CSMD3: variants seen among roughly 807,000 people sequenced by gnomAD.
CSMD3 encodes the protein CUB and sushi domain-containing protein 3.
In CSMD3, 177 loss-of-function variants were observed where a neutral mutation model predicts 435.2. That is an observed-to-expected ratio of 0.41 (90% CI 0.36 to 0.46). The LOEUF (loss-of-function observed/expected upper bound fraction) is 0.46. Ranked by LOEUF, CSMD3 falls within the 20% of genes least tolerant of loss-of-function variation. The pLI, the probability that CSMD3 is intolerant of heterozygous loss-of-function variation, is 0.34. For missense variants in CSMD3, 4,265 were observed against 4,504.6 expected (o/e 0.95, Z 1.52); for synonymous variants, 1,656 against 1,520.5 (o/e 1.09, Z -2.07).
chr8:112,603,335 C>G (rs1476084025), intron 22 of CSMD3, among the ~76,000 whole-genome samples: 1 of 152,182 alleles, frequency 6.6e-6, no homozygotes, highest in Non-Finnish European at 1.5e-5. Context: ...TCAAATTTTA[C>G]TGCACTATGC....
chr8:113,261,507 A>T (rs1214311209), intron 3 of CSMD3, among the ~76,000 whole-genome samples: 2 of 151,866 alleles, frequency 1.3e-5, no homozygotes, highest in South Asian at 4.2e-4. Context: ...TCAGTGAACT[A>T]CCTCCCTTAG....
At chr8:112,928,532 G>A (rs1194083348) in intron 9 of CSMD3, among the ~76,000 whole-genome samples, 2 of 152,054 alleles carry the variant, frequency 1.3e-5, no homozygotes, top group African/African-American at 2.4e-5. Context: ...GTGAGAATAT[G>A]TGGTGTTTGG....
At chr8:112,585,852 C>G (rs1830682842) in intron 23 of CSMD3, among the ~76,000 whole-genome samples, 1 of 151,576 alleles carries the variant, frequency 6.6e-6, no homozygotes, top group South Asian at 2.1e-4. Flanking sequence ...TGCCTCAGTT[C>G]TATATACAAG....
intron 13 of CSMD3, among the ~76,000 whole-genome samples, chr8:112,713,250 A>T (rs1242877550): frequency 6.6e-6 from 1 of 152,064 alleles, no homozygotes; most frequent in East Asian, 1.9e-4. Flanking sequence ...AGATCAGAAG[A>T]TCCCACTCGT....
intron 53 of CSMD3, among the ~76,000 whole-genome samples, chr8:112,297,109 G>A (rs1295490746): frequency 2.0e-5 from 3 of 147,568 alleles, no homozygotes; most frequent in East Asian, 3.9e-4. Flanking sequence ...ACCTTCCCAC[G>A]GATTTTTTTT....
At chr8:112,277,734 C>A (rs962814554) in intron 59 of CSMD3, among the ~76,000 whole-genome samples, 1 of 151,984 alleles carries the variant, frequency 6.6e-6, no homozygotes, top group African/African-American at 2.4e-5. Flanking sequence ...GCTGGGGAGG[C>A]CTCACAATTA....
At chr8:112,332,489 G>A (rs1824162915) in intron 45 of CSMD3, among the ~76,000 whole-genome samples, 1 of 152,036 alleles carries the variant, frequency 6.6e-6, no homozygotes, top group Non-Finnish European at 1.5e-5. Context: ...TGGATTATAG[G>A]GTAGCTTTAA....
At chr8:112,384,221 T>A (rs1310449963) in intron 36 of CSMD3, among the ~76,000 whole-genome samples, 1 of 152,312 alleles carries the variant, frequency 6.6e-6, no homozygotes, top group East Asian at 1.9e-4. Flanking sequence ...ATATTTTTAA[T>A]AAGTTTCAGT....
At chr8:112,286,761 G>C (rs1018164230) in intron 58 of CSMD3, among the ~76,000 whole-genome samples, 2 of 151,710 alleles carry the variant, frequency 1.3e-5, no homozygotes, top group Non-Finnish European at 2.9e-5. Flanking sequence ...GATAAAGGAG[G>C]GACTACTGTA....
intron 5 of CSMD3, among the ~76,000 whole-genome samples, chr8:113,096,633 A>C (rs1440119164): frequency 6.6e-6 from 1 of 152,056 alleles, no homozygotes; most frequent in Admixed American, 6.6e-5. Context: ...TTTCATCTAA[A>C]GTAAAAGACA....
At chr8:112,981,649 C>A (rs1269356019) in intron 6 of CSMD3, among the ~76,000 whole-genome samples, 1 of 151,558 alleles carries the variant, frequency 6.6e-6, no homozygotes, top group East Asian at 1.9e-4. Context: ...TGTAGTGGTA[C>A]ATCTACTAAA....
intron 35 of CSMD3, among the ~76,000 whole-genome samples, chr8:112,402,625 C>T (rs1478575374): frequency 6.6e-6 from 1 of 151,790 alleles, no homozygotes; most frequent in African/African-American, 2.4e-5. Context: ...TCTGTCAATA[C>T]CTACATAAAT....
intron 1 of CSMD3, among the ~76,000 whole-genome samples, chr8:113,431,411 C>T (rs977897091): frequency 6.6e-6 from 1 of 152,194 alleles, no homozygotes; most frequent in African/African-American, 2.4e-5. Context: ...CTGTCATTTA[C>T]AACCATTTTA....
At chr8:113,241,328 G>A (rs150229233) in intron 3 of CSMD3, among the ~76,000 whole-genome samples, 11 of 152,056 alleles carry the variant, frequency 7.2e-5, no homozygotes, top group African/African-American at 2.4e-4. Flanking sequence ...TTCCATTCAC[G>A]CCTGTGATTA....
chr8:113,386,721 A>G (rs942930354), intron 1 of CSMD3, among the ~76,000 whole-genome samples: 1 of 151,904 alleles, frequency 6.6e-6, no homozygotes, highest in African/African-American at 2.4e-5. Flanking sequence ...TGATCCACAG[A>G]CCACTACATC....
Position 112,659,653 on chromosome 8 carries a change from T to C in CSMD3, c.2817-3312A>G, listed in dbSNP as rs1025803310. 2.0e-4 allele frequency among the ~76,000 whole-genome samples: 31 copies of C among 152,276 alleles called. No homozygotes were observed. In the East Asian group the frequency reaches 2.1e-3, roughly 10 times the overall value. On this transcript the variant is annotated intron_variant, in intron 17 of 70. Coordinates refer to ENST00000297405, the MANE Select transcript of CSMD3 (RefSeq NM_198123.2). ...TCTTAGACTCAGGAGCTGCTGGATA[T>C]TGAGAAAATTTAGAAAGTGTGGGAA...
Position 112,690,097 on chromosome 8 carries a change from A to G in CSMD3, c.1973-47T>C, listed in dbSNP as rs1270411952. On this transcript the variant is annotated intron_variant, in intron 13 of 70. Coordinates refer to ENST00000297405, the MANE Select transcript of CSMD3 (RefSeq NM_198123.2). ...GTCACCTTCCAAGGGTTGCAGGCAT[A>G]TGATACCCATAATACAAGTTAGGTA... The G allele has an allele frequency of 3.7e-6, 5 of 1,367,564 alleles. No individual in the cohort carries two copies. The East Asian group carries it at 1.1e-4, about 31-fold the overall frequency. The allele number at this position is 1,367,564 out of a possible 1,614,324, so 84.7% of individuals were successfully genotyped here. A position where few individuals can be genotyped will look rare whatever the true frequency, so the allele number is the denominator to read the frequency against.
At chr8:113,429,551 T>C (rs527441093) in intron 1 of CSMD3, among the ~76,000 whole-genome samples, 2 of 152,198 alleles carry the variant, frequency 1.3e-5, no homozygotes, top group Non-Finnish European at 2.9e-5. Context: ...GTACACATTA[T>C]ATCAGAAAAG....
chr8:112,632,306 T>A (rs989594809), intron 22 of CSMD3, among the ~76,000 whole-genome samples: 1 of 152,026 alleles, frequency 6.6e-6, no homozygotes, highest in Admixed American at 6.6e-5. Flanking sequence ...GAGAATAATA[T>A]GTAGATGTGT....
Sources: allele counts gnomAD v4.1 joint callset (sites outside exome capture counted in the v4.1 genomes callset), GRCh38; gene constraint gnomAD v4.1.1; transcripts MANE v1.5; gene names NCBI Gene and HGNC (gene_info 2026-07-23, HGNC 2026-07-21).